Variants in PTPRD observed in about 807,000 individuals in gnomAD.
PTPRD encodes the protein receptor-type tyrosine-protein phosphatase delta.
Under a neutral mutation model 214.5 loss-of-function variants are expected in PTPRD, and 34 were observed. The ratio of observed to expected loss-of-function variants is 0.16; its 90% CI spans 0.12 to 0.21. The LOEUF is 0.21. PTPRD is among the 10% of genes least tolerant of loss of function. The pLI, the probability that PTPRD is intolerant of heterozygous loss-of-function variation, is 1.00. For synonymous variants in PTPRD, 1,128 were observed against 845.7 expected (o/e 1.33, Z -5.79); for missense variants, 2,545 against 2,398.7 (o/e 1.06, Z -1.27).
At chr9:8,346,609 G>A (rs989140794) in intron 39 of PTPRD, among the ~76,000 whole-genome samples, 3 of 152,134 alleles carry the variant, frequency 2.0e-5, no homozygotes, top group African/African-American at 7.2e-5. Context: ...CTGCCTGCCT[G>A]TTAGTCACTT....
chr9:10,288,558 A>C (rs2095433063), intron 3 of PTPRD, among the ~76,000 whole-genome samples: 1 of 152,218 alleles, frequency 6.6e-6, no homozygotes, highest in African/African-American at 2.4e-5. Context: ...CACTACAAAT[A>C]AAATATGATG....
At chr9:9,538,670 G>C (rs944238115) in intron 8 of PTPRD, among the ~76,000 whole-genome samples, 2 of 151,798 alleles carry the variant, frequency 1.3e-5, no homozygotes, top group African/African-American at 4.8e-5. Flanking sequence ...CAGGCAGACA[G>C]GAATAAAAAT....
intron 11 of PTPRD, among the ~76,000 whole-genome samples, chr9:8,779,994 T>G (rs942419385): frequency 6.6e-6 from 1 of 152,122 alleles, no homozygotes; most frequent in African/African-American, 2.4e-5. Flanking sequence ...TACTGCACAA[T>G]GTAACATCAA....
intron 11 of PTPRD, among the ~76,000 whole-genome samples, chr9:8,829,367 CAG>C (rs1412997210): frequency 3.9e-5 from 6 of 152,196 alleles, no homozygotes; most frequent in African/African-American, 1.4e-4. Flanking sequence ...TAAAAAATCA[CAG>C]AGGGAATCAT....
chr9:9,713,970 C>T (rs2097776991), intron 7 of PTPRD, among the ~76,000 whole-genome samples: 1 of 151,624 alleles, frequency 6.6e-6, no homozygotes, highest in South Asian at 2.1e-4. Flanking sequence ...TACTTGTAGA[C>T]ACCAGCAAGC....
chr9:10,140,461 G>A (rs2382194), intron 3 of PTPRD, among the ~76,000 whole-genome samples: 1 of 151,352 alleles, frequency 6.6e-6, no homozygotes, highest in Non-Finnish European at 1.5e-5. Flanking sequence ...TCAGAGAATA[G>A]TATAAACACC....
In PTPRD at chr9:9,784,627, C is replaced by T. The variant is rs115725283; in HGVS notation, c.-367-17776G>A. Among the ~76,000 whole-genome samples the T allele has an allele frequency of 2.2e-3, 340 of 151,948 alleles. 1 individual carries two copies. The highest frequency in any genetic ancestry group is 7.9e-3 in the African/African-American group (329 of 41,484). On this transcript the variant is annotated intron_variant, in intron 5 of 45. Transcript: ENST00000381196. ...TTTTTTAAATTAGCAGATCAATAAC[C>T]TAGCAGACCATACTGACTCACTCAA...
At chr9:9,913,396 T>G (rs959822806) in intron 5 of PTPRD, among the ~76,000 whole-genome samples, 3 of 151,254 alleles carry the variant, frequency 2.0e-5, no homozygotes, top group Non-Finnish European at 2.9e-5. Context: ...TAAGATCAAA[T>G]AGGGAAAAAA....
intron 8 of PTPRD, among the ~76,000 whole-genome samples, chr9:9,430,661 T>C (rs199572396): frequency 6.6e-6 from 1 of 152,034 alleles, no homozygotes; most frequent in Non-Finnish European, 1.5e-5. Flanking sequence ...TATACTACAA[T>C]GCTACAGTAA....
chr9:9,548,666 AG>A (rs985613698), intron 8 of PTPRD, among the ~76,000 whole-genome samples: 8 of 151,852 alleles, frequency 5.3e-5, no homozygotes, highest in Admixed American at 5.3e-4. Flanking sequence ...TAAAAGCAAA[AG>A]TATGATAAAA....
At chr9:9,576,019 G>A (rs1310616655) in intron 7 of PTPRD, among the ~76,000 whole-genome samples, 1 of 152,042 alleles carries the variant, frequency 6.6e-6, no homozygotes, top group Non-Finnish European at 1.5e-5. Flanking sequence ...ACAAGTAGGT[G>A]CTCTACTGTG....
At chr9:9,477,264 G>A (rs2095121674) in intron 8 of PTPRD, among the ~76,000 whole-genome samples, 1 of 152,104 alleles carries the variant, frequency 6.6e-6, no homozygotes, top group Non-Finnish European at 1.5e-5. Context: ...CAGTTCTGAT[G>A]TGTACTTGCC....
At chr9:10,245,615 G>T (rs1285366852) in intron 3 of PTPRD, among the ~76,000 whole-genome samples, 1 of 152,116 alleles carries the variant, frequency 6.6e-6, no homozygotes, top group East Asian at 1.9e-4. Flanking sequence ...CTTGTGTGTT[G>T]TTAATACAGG....
rs2130737108 is a variant in PTPRD, at chr9:8,320,052, G to C, written c.5535-86C>G. The C allele has an allele frequency of 2.0e-6, 3 of 1,490,358 alleles. 1 individual carries two copies. The highest frequency in any genetic ancestry group is 2.0e-4 in the Middle Eastern group (1 of 5,028). 92.3% of individuals were successfully genotyped at this position (1,490,358 alleles called of 1,614,324 possible). On this transcript the variant is annotated intron_variant, in intron 44 of 45. Coordinates refer to ENST00000381196, the MANE Select transcript of PTPRD (RefSeq NM_002839.4). ...CTTGGGTGTGGACATACTTCTACCA[G>C]CTTCCACACTCCGTATCTCTTTATA...
intron 8 of PTPRD, among the ~76,000 whole-genome samples, chr9:9,548,754 A>G (rs2079463790): frequency 6.6e-6 from 1 of 152,156 alleles, no homozygotes. Context: ...GATAACGAAT[A>G]TTACCAGAGA....
chr9:8,512,713 A>G (rs970292241), intron 21 of PTPRD, among the ~76,000 whole-genome samples: 8 of 152,014 alleles, frequency 5.3e-5, no homozygotes, highest in Admixed American at 3.9e-4. Context: ...GTATATCCAT[A>G]TAAGTCAGAT....
chr9:8,459,703 T>A (rs1366063379), intron 33 of PTPRD, among the ~76,000 whole-genome samples: 1 of 152,090 alleles, frequency 6.6e-6, no homozygotes, highest in South Asian at 2.1e-4. Flanking sequence ...CACAGATTAT[T>A]TGCATCCTAA....
chr9:8,855,031 C>A (rs1218661316), intron 11 of PTPRD, among the ~76,000 whole-genome samples: 2 of 151,932 alleles, frequency 1.3e-5, no homozygotes, highest in African/African-American at 4.8e-5. Context: ...AAATAAAATT[C>A]TTGAAATAGT....
intron 30 of PTPRD, among the ~76,000 whole-genome samples, chr9:8,476,368 C>G (rs1039503701): frequency 2.0e-5 from 3 of 152,130 alleles, no homozygotes; most frequent in African/African-American, 7.2e-5. Context: ...TGCTCCCTCC[C>G]CACTGCTTAC....
Sources: allele counts gnomAD v4.1 joint callset (sites outside exome capture counted in the v4.1 genomes callset), GRCh38; gene constraint gnomAD v4.1.1; transcripts MANE v1.5; gene names NCBI Gene and HGNC (gene_info 2026-07-23, HGNC 2026-07-21).